Variants in CSMD1 observed in about 807,000 individuals in gnomAD.
CSMD1 encodes CUB and Sushi multiple domains 1.
A neutral mutation model predicts 417.5 loss-of-function variants in CSMD1; 213 were observed. The ratio of observed to expected loss-of-function variants is 0.51; its 90% CI spans 0.46 to 0.57. The LOEUF is 0.57. Ranked by LOEUF, CSMD1 falls within the 20% of genes least tolerant of loss-of-function variation. The pLI is 0.00. For synonymous variants in CSMD1, 2,862 were observed against 1,736.8 expected, an observed-to-expected ratio of 1.65 and a Z score of -16.11; for missense variants, 6,923 against 4,529.7, an observed-to-expected ratio of 1.53 and a Z score of -15.17.
At chr8:4,067,196 G>T (rs1023809573) in intron 3 of CSMD1, among the ~76,000 whole-genome samples, 8 of 152,208 alleles carry the variant, frequency 5.3e-5, no homozygotes, top group Non-Finnish European at 1.2e-4. Context: ...CTCCGTCTTT[G>T]CATCTATTTT....
At chr8:4,036,284 G>C (rs1337947081) in intron 3 of CSMD1, among the ~76,000 whole-genome samples, 1 of 152,110 alleles carries the variant, frequency 6.6e-6, no homozygotes, top group African/African-American at 2.4e-5. Context: ...AGATGCTGTT[G>C]TTATGGTCAA....
At chr8:3,068,895 C>T (rs775591162) in intron 49 of CSMD1, among the ~76,000 whole-genome samples, 1 of 151,876 alleles carries the variant, frequency 6.6e-6, no homozygotes. Flanking sequence ...TATATTATTT[C>T]TCCCCTGACC....
At chr8:3,726,985 T>A (rs1321767946) in intron 6 of CSMD1, among the ~76,000 whole-genome samples, 1 of 152,190 alleles carries the variant, frequency 6.6e-6, no homozygotes, top group Admixed American at 6.5e-5. Flanking sequence ...ATACCACCAG[T>A]AAACACTGTG....
chr8:4,242,153 A>C (rs749763927), intron 3 of CSMD1, among the ~76,000 whole-genome samples: 8 of 152,216 alleles, frequency 5.3e-5, no homozygotes, highest in Non-Finnish European at 1.2e-4. Context: ...TATATCCACC[A>C]AATTAGACAT....
At chr8:4,605,624 C>G (rs1052246553) in intron 2 of CSMD1, among the ~76,000 whole-genome samples, 1 of 152,184 alleles carries the variant, frequency 6.6e-6, no homozygotes, top group Non-Finnish European at 1.5e-5. Flanking sequence ...ATGACCTTTC[C>G]TAGTATCTTC....
chr8:3,956,487 A>G (rs1309412617), intron 5 of CSMD1, among the ~76,000 whole-genome samples: 1 of 152,212 alleles, frequency 6.6e-6, no homozygotes, highest in Admixed American at 6.5e-5. Flanking sequence ...ACATTCCTAA[A>G]GAGATTGTAG....
At chr8:4,972,880 G>A (rs532235668) in intron 1 of CSMD1, among the ~76,000 whole-genome samples, 15 of 152,238 alleles carry the variant, frequency 9.9e-5, no homozygotes, top group African/African-American at 3.4e-4. Flanking sequence ...CCTGCTAAAT[G>A]AACATAGGTA....
chr8:4,300,511 A>G (rs912343645), intron 3 of CSMD1, among the ~76,000 whole-genome samples: 1 of 152,178 alleles, frequency 6.6e-6, no homozygotes. Context: ...ACTGAAGGAA[A>G]TGTCCTTTAC....
chr8:4,254,522 T>C (rs192784198), intron 3 of CSMD1, among the ~76,000 whole-genome samples: 12 of 152,302 alleles, frequency 7.9e-5, no homozygotes, highest in Non-Finnish European at 2.9e-5. Flanking sequence ...TCACGTAGCC[T>C]AAACGTATGC....
intron 5 of CSMD1, among the ~76,000 whole-genome samples, chr8:3,784,978 A>C (rs528081360): frequency 1.2e-4 from 18 of 152,314 alleles, no homozygotes; most frequent in Admixed American, 1.2e-3. Flanking sequence ...CATTCTGGTA[A>C]AATGTCTCTC....
chr8:2,999,730 T>G (rs658319), intron 53 of CSMD1, among the ~76,000 whole-genome samples: 1,939 of 151,622 alleles, frequency 0.013, 37 homozygotes, highest in African/African-American at 0.045. Context: ...GCAAATTAAA[T>G]GTGGAGTCAG....
Position 4,082,440 on chromosome 8 carries a change from A to G in CSMD1, c.416-50341T>C, listed in dbSNP as rs918557467. Among the ~76,000 whole-genome samples the G allele has an allele frequency of 3.3e-5, 5 of 152,194 alleles. No homozygotes were observed. The South Asian group carries it at 8.3e-4, about 25-fold the overall frequency. Reference sequence around the variant, plus strand: ...ATTTTAAGAAATCTTTTGAAAATAGAGGAAGGGCAAAGATTGCCTAAGTAG... The same window carrying G: ...ATTTTAAGAAATCTTTTGAAAATAGGGGAAGGGCAAAGATTGCCTAAGTAG... On this transcript the variant is annotated intron_variant, in intron 3 of 69. Coordinates refer to ENST00000635120, the MANE Select transcript of CSMD1 (RefSeq NM_033225.6).
intron 3 of CSMD1, among the ~76,000 whole-genome samples, chr8:4,303,611 AAG>A (rs1486035801): frequency 1.3e-5 from 2 of 151,968 alleles, no homozygotes; most frequent in African/African-American, 2.4e-5. Context: ...TTGTCATATG[AAG>A]AGAGTTCTAC....
intron 3 of CSMD1, among the ~76,000 whole-genome samples, chr8:4,171,966 A>C (rs1042267166): frequency 6.6e-6 from 1 of 152,202 alleles, no homozygotes; most frequent in Non-Finnish European, 1.5e-5. Flanking sequence ...ATAATGTAAT[A>C]ATCAGCATCC....
At chr8:3,720,310 G>T (rs531346508) in intron 6 of CSMD1, among the ~76,000 whole-genome samples, 2 of 152,230 alleles carry the variant, frequency 1.3e-5, no homozygotes, top group Admixed American at 1.3e-4. Context: ...AAAAAGAAAG[G>T]GGAGAGAGAG....
intron 3 of CSMD1, among the ~76,000 whole-genome samples, chr8:4,410,144 T>C (rs912298567): frequency 1.1e-4 from 16 of 152,180 alleles, no homozygotes; most frequent in African/African-American, 3.6e-4. Context: ...AGCCATCTTC[T>C]AGGCTAATCT....
At chr8:3,709,257 C>T (rs1036760628) in intron 6 of CSMD1, among the ~76,000 whole-genome samples, 3 of 151,030 alleles carry the variant, frequency 2.0e-5, no homozygotes, top group African/African-American at 4.9e-5. Flanking sequence ...CTTGGCTTTA[C>T]TAAGTGCCCA....
At chr8:4,911,277 A>C (rs147709046) in intron 1 of CSMD1, among the ~76,000 whole-genome samples, 6 of 152,220 alleles carry the variant, frequency 3.9e-5, no homozygotes, top group Non-Finnish European at 7.3e-5. Context: ...ATTTCTGCCT[A>C]TACATACTGG....
intron 3 of CSMD1, among the ~76,000 whole-genome samples, chr8:4,144,103 G>C (rs1039027993): frequency 2.0e-5 from 3 of 151,112 alleles, no homozygotes; most frequent in Non-Finnish European, 4.4e-5. Flanking sequence ...GAAAGTTTGA[G>C]TTAATTGGGC....
Sources: allele counts gnomAD v4.1 joint callset (sites outside exome capture counted in the v4.1 genomes callset), GRCh38; gene constraint gnomAD v4.1.1; transcripts MANE v1.5; gene names NCBI Gene and HGNC (gene_info 2026-07-23, HGNC 2026-07-21).